Variants in SLC14A2 observed in about 807,000 individuals in gnomAD.
SLC14A2 encodes urea transporter 2.
In SLC14A2, 91 loss-of-function variants were observed where a neutral mutation model predicts 104.6. That is an observed-to-expected ratio of 0.87 (90% CI 0.73 to 1.04). The LOEUF is 1.04. Ranked by LOEUF, SLC14A2 falls within the 50% of genes least tolerant of loss-of-function variation. SLC14A2 has a pLI of 0.00. For synonymous variants in SLC14A2, 476 were observed against 466.4 expected (o/e 1.02, Z -0.27); for missense variants, 1,189 against 1,156.0 (o/e 1.03, Z -0.41).
intron 1 of SLC14A2, among the ~76,000 whole-genome samples, chr18:45,391,422 A>G (rs1292545144): frequency 4.6e-5 from 7 of 152,328 alleles, no homozygotes; most frequent in Middle Eastern, 3.4e-3. Context: ...ATGATTTATA[A>G]TCCTTTGGGT....
intron 1 of SLC14A2, among the ~76,000 whole-genome samples, chr18:45,383,503 A>T (rs1220610639): frequency 6.6e-6 from 1 of 152,234 alleles, no homozygotes; most frequent in Non-Finnish European, 1.5e-5. Context: ...GAGATTACCC[A>T]GAGCAACCAC....
chr18:45,397,068 G>C (rs912944520), intron 1 of SLC14A2, among the ~76,000 whole-genome samples: 3 of 152,112 alleles, frequency 2.0e-5, no homozygotes, highest in African/African-American at 7.2e-5. Context: ...GTCTGTCATT[G>C]ACGGGCATTT....
chr18:45,421,460 G>C (rs1207260000), intron 1 of SLC14A2, among the ~76,000 whole-genome samples: 1 of 152,190 alleles, frequency 6.6e-6, no homozygotes. Context: ...ACAGGTATGA[G>C]TGGCATGTAC....
At chr18:45,289,898 A>T (rs1398875288) in intron 1 of SLC14A2, among the ~76,000 whole-genome samples, 1 of 152,216 alleles carries the variant, frequency 6.6e-6, no homozygotes, top group African/African-American at 2.4e-5. Flanking sequence ...CAGTGGCCTG[A>T]TAGATGAGTT....
At chr18:45,434,657 A>G (rs1366912523) in intron 1 of SLC14A2, among the ~76,000 whole-genome samples, 3 of 152,204 alleles carry the variant, frequency 2.0e-5, no homozygotes, top group African/African-American at 7.2e-5. Context: ...AAGGCAATCT[A>G]TTTTATTAAG....
chr18:45,492,813 G>C (rs1411420243), intron 2 of SLC14A2, among the ~76,000 whole-genome samples: 2 of 152,154 alleles, frequency 1.3e-5, no homozygotes, highest in Non-Finnish European at 2.9e-5. Context: ...ATGCAAAAAA[G>C]AGGATAGATG....
intron 1 of SLC14A2, among the ~76,000 whole-genome samples, chr18:45,323,497 A>G (rs1187072129): frequency 6.6e-6 from 1 of 152,218 alleles, no homozygotes; most frequent in Non-Finnish European, 1.5e-5. Flanking sequence ...ATAAATTCCT[A>G]AATCTGACCA....
chr18:45,631,028 C>A (rs910261065), intron 4 of SLC14A2, among the ~76,000 whole-genome samples: 1 of 152,204 alleles, frequency 6.6e-6, no homozygotes, highest in African/African-American at 2.4e-5. Flanking sequence ...CAAACCTAAG[C>A]CACAGCCCCT....
chr18:45,267,665 G>A (rs1227722770), intron 1 of SLC14A2, among the ~76,000 whole-genome samples: 3 of 152,150 alleles, frequency 2.0e-5, no homozygotes, highest in Non-Finnish European at 4.4e-5. Context: ...GAGTTCTCTG[G>A]ATCCTGTGAA....
At chr18:45,676,037 A>C (rs2046225227) in intron 18 of SLC14A2, among the ~76,000 whole-genome samples, 1 of 152,194 alleles carries the variant, frequency 6.6e-6, no homozygotes, top group South Asian at 2.1e-4. Flanking sequence ...GCATTTTTAC[A>C]TGACCTGAAA....
intron 1 of SLC14A2, among the ~76,000 whole-genome samples, chr18:45,234,154 A>C (rs8085535): frequency 0.5 from 75,270 of 151,916 alleles, 19,183 homozygotes; most frequent in African/African-American, 0.62. Context: ...CCAGCACCAG[A>C]AGATCATTCA....
chr18:45,630,224 G>A (rs997712545), intron 4 of SLC14A2, among the ~76,000 whole-genome samples: 2 of 152,134 alleles, frequency 1.3e-5, no homozygotes, highest in Non-Finnish European at 1.5e-5. Flanking sequence ...TCAGTGTCTT[G>A]TTCTGCATCA....
At position 45,640,501 on chromosome 18, in the gene SLC14A2, T is replaced by A. The variant is rs959955142; in HGVS notation, c.991+608T>A. Among the ~76,000 whole-genome samples, 5 of 152,340 alleles carry A rather than the reference T, an allele frequency of 3.3e-5. 1 individual carries two copies. The highest frequency in any genetic ancestry group is 6.5e-5 in the Admixed American group (1 of 15,306). On this transcript the variant is annotated intron_variant, in intron 7 of 19. Coordinates refer to ENST00000255226, the MANE Select transcript of SLC14A2 (RefSeq NM_007163.4). Reference sequence around the variant, plus strand: ...GGATTGCCACTTAACAAATGTGCTTTAATATTGCTACCTGTGTATATGTAT... The same window carrying A: ...GGATTGCCACTTAACAAATGTGCTTAAATATTGCTACCTGTGTATATGTAT...
intron 1 of SLC14A2, among the ~76,000 whole-genome samples, chr18:45,313,265 G>A (rs1350104040): frequency 6.6e-6 from 1 of 152,130 alleles, no homozygotes; most frequent in African/African-American, 2.4e-5. Flanking sequence ...GGATGGGATT[G>A]GAGGAAGGCT....
intron 1 of SLC14A2, among the ~76,000 whole-genome samples, chr18:45,452,375 G>A (rs2086871962): frequency 6.6e-6 from 1 of 152,094 alleles, no homozygotes; most frequent in Non-Finnish European, 1.5e-5. Flanking sequence ...CATCCCTTTG[G>A]TTTCAGTACT....
rs538013538 is a variant in SLC14A2 at position 45,318,590 on chromosome 18, C to T, written c.-125+105399C>T. Among the ~76,000 whole-genome samples the T allele has an allele frequency of 6.6e-5, 10 of 152,208 alleles. No individual in the cohort carries two copies. The South Asian group carries it at 2.1e-3, about 32-fold the overall frequency. ...ATCACCTGAGGTCAGGAGTTCGAGA[C>T]CAGCCTGACCAACATGGTGAAATCC... On this transcript the variant is annotated intron_variant, in intron 1 of 20. Transcript: ENST00000586448.
At chr18:45,668,321 C>T (rs748987063) in intron 14 of SLC14A2, 28 bp from the exon 15 acceptor site, 1 of 1,612,858 alleles carries the variant, frequency 6.2e-7, no homozygotes, top group South Asian at 1.1e-5. Context: ...GAAGCCCCTG[C>T]TCCACCTGAC....
chr18:45,656,157 G>T (rs1027946262), intron 10 of SLC14A2, among the ~76,000 whole-genome samples: 8 of 152,214 alleles, frequency 5.3e-5, no homozygotes, highest in African/African-American at 1.9e-4. Flanking sequence ...AACTTCAAAA[G>T]GTGTAGTCTA....
chr18:45,575,610 C>T (rs1000941856), intron 2 of SLC14A2, among the ~76,000 whole-genome samples: 6 of 152,318 alleles, frequency 3.9e-5, no homozygotes, highest in African/African-American at 1.4e-4. Flanking sequence ...TTTTAAAGAA[C>T]ACCGCATTTT....
Sources: allele counts gnomAD v4.1 joint callset (sites outside exome capture counted in the v4.1 genomes callset), GRCh38; gene constraint gnomAD v4.1.1; transcripts MANE v1.5; gene names NCBI Gene and HGNC (gene_info 2026-07-23, HGNC 2026-07-21).